Variants in BMP2K observed in about 807,000 individuals in gnomAD.
BMP2K encodes the protein BMP2 inducible kinase.
In BMP2K, 74 loss-of-function variants were observed where a neutral mutation model predicts 116.0. The ratio of observed to expected loss-of-function variants is 0.64; its 90% CI spans 0.53 to 0.77. The LOEUF is 0.77. Among genes scored for constraint, BMP2K ranks in the 30% least tolerant of loss-of-function variants. The pLI, the probability that BMP2K is intolerant of heterozygous loss-of-function variation, is 0.00. For synonymous variants in BMP2K, 486 were observed against 502.5 expected, an observed-to-expected ratio of 0.97 and a Z score of 0.44; for missense variants, 1,365 against 1,403.6, an observed-to-expected ratio of 0.97 and a Z score of 0.44.
chr4:78,854,217 T>G (rs1731393581), intron 7 of BMP2K, among the ~76,000 whole-genome samples: 1 of 150,246 alleles, frequency 6.7e-6, no homozygotes, highest in African/African-American at 2.4e-5. Context: ...GCTTTATGGT[T>G]TCTTTATCTT....
chr4:78,821,925 T>C (rs1729637262), intron 1 of BMP2K, among the ~76,000 whole-genome samples: 1 of 152,128 alleles, frequency 6.6e-6, no homozygotes, highest in Admixed American at 6.6e-5. Flanking sequence ...AATTAAAGCA[T>C]GGAAATGACA....
Position 78,799,318 on chromosome 4 carries a change from A to G in BMP2K, c.178+22597A>G, listed in dbSNP as rs138398677. Among the ~76,000 whole-genome samples the G allele has an allele frequency of 5.8e-4, 89 of 152,286 alleles. 3 individuals carry two copies. The East Asian group carries it at 0.016, about 27-fold the overall frequency. On this transcript the variant is annotated intron_variant, in intron 1 of 15. Transcript: ENST00000502613. ...AGACCCTTTCCCCAGAAAAATTTGC[A>G]TATAAAACCTACATATGGTTTCAGA...
chr4:78,830,075 C>T (rs1730137514), intron 2 of BMP2K, among the ~76,000 whole-genome samples: 1 of 152,008 alleles, frequency 6.6e-6, no homozygotes, highest in African/African-American at 2.4e-5. Flanking sequence ...CGGGGTTTCA[C>T]CATGTTGCCC....
intron 1 of BMP2K, among the ~76,000 whole-genome samples, chr4:78,782,735 T>A (rs1357529226): frequency 6.6e-6 from 1 of 152,236 alleles, no homozygotes; most frequent in Non-Finnish European, 1.5e-5. Context: ...GGCTGAGTTT[T>A]TAAAAAAGTA....
At chr4:78,861,012 A>G (rs1240117553) in intron 8 of BMP2K, among the ~76,000 whole-genome samples, 2 of 151,898 alleles carry the variant, frequency 1.3e-5, no homozygotes, top group Non-Finnish European at 2.9e-5. Flanking sequence ...TGTAGTATGT[A>G]GAAACAACAC....
At chr4:78,795,589 G>C (rs1251937114) in intron 1 of BMP2K, among the ~76,000 whole-genome samples, 1 of 152,118 alleles carries the variant, frequency 6.6e-6, no homozygotes, top group African/African-American at 2.4e-5. Flanking sequence ...ACTACCATCA[G>C]AGTGAACAGA....
chr4:78,832,383 T>C (rs927205203), intron 2 of BMP2K, among the ~76,000 whole-genome samples: 25 of 152,208 alleles, frequency 1.6e-4, no homozygotes, highest in African/African-American at 6.0e-4. Flanking sequence ...TTATTTTGTA[T>C]CAACGTCTTT....
chr4:78,855,686 G>A (rs776363965), intron 7 of BMP2K, among the ~76,000 whole-genome samples: 9 of 152,142 alleles, frequency 5.9e-5, no homozygotes, highest in African/African-American at 1.2e-4. Flanking sequence ...AGACCAGTGT[G>A]TACATCAATA....
rs544163552 is a variant in BMP2K, at chr4:78,911,280, A to G, written c.2733A>G (p.Glu911=). 1 of 1,614,022 alleles carries G rather than the reference A, an allele frequency of 6.2e-7. No homozygotes were observed. The highest frequency in any genetic ancestry group is 1.1e-5 in the South Asian group (1 of 91,084). Residue 911 remains glutamate, a synonymous_variant, in exon 16 of 16, where the codon GAA becomes GAG. Transcript: ENST00000502613. ...TTAGCAAGAAGGTGAATGTACAAGA[A>G]TGCCATGCAGTGGGGCCTGAGGCAC... ...APFSKKVNVQ[E]CHAVGPEAHT... is the part of the protein sequence containing the mutation.
At chr4:78,866,562 C>T (rs1035881709) in intron 10 of BMP2K, among the ~76,000 whole-genome samples, 3 of 152,066 alleles carry the variant, frequency 2.0e-5, no homozygotes, top group Non-Finnish European at 4.4e-5. Flanking sequence ...ACCTGATACA[C>T]GGTATGCCTT....
chr4:78,832,204 TG>T (rs1163548110), intron 2 of BMP2K, among the ~76,000 whole-genome samples: 1 of 152,152 alleles, frequency 6.6e-6, no homozygotes, highest in Non-Finnish European at 1.5e-5. Flanking sequence ...TCAGTTGTTT[TG>T]GTTATATATC....
At chr4:78,782,370 C>G (rs1727544439) in intron 1 of BMP2K, among the ~76,000 whole-genome samples, 2 of 152,234 alleles carry the variant, frequency 1.3e-5, no homozygotes, top group Admixed American at 1.3e-4. Flanking sequence ...TAGACAGACT[C>G]TGTTTTAATT....
rs191730201 is a variant in BMP2K, at chr4:78,868,300, C to T, written c.1232-2483C>T. ...GCAAAAGCAGAAACCCCTGATAAAC[C>T]CGTCAGATCTCATGAGACTTATTCA... is the stretch of plus-strand genomic sequence containing the variant. On this transcript the variant is annotated intron_variant, in intron 10 of 15. Coordinates refer to ENST00000502613, the MANE Select transcript of BMP2K (RefSeq NM_198892.2). Among the ~76,000 whole-genome samples the T allele has an allele frequency of 4.6e-5, 7 of 152,206 alleles. No homozygotes were observed. In the East Asian group the frequency reaches 1.4e-3, roughly 29 times the overall value.
At chr4:78,833,214 A>G (rs1311360577) in intron 2 of BMP2K, among the ~76,000 whole-genome samples, 2 of 152,052 alleles carry the variant, frequency 1.3e-5, no homozygotes, top group African/African-American at 4.8e-5. Flanking sequence ...ATGAGAATAT[A>G]ATTGTTAATA....
chr4:78,832,520 T>A (rs1438602218), intron 2 of BMP2K, among the ~76,000 whole-genome samples: 1 of 152,186 alleles, frequency 6.6e-6, no homozygotes, highest in Non-Finnish European at 1.5e-5. Flanking sequence ...CTTTGGCATT[T>A]ACTTTTGTAC....
At position 78,822,405 on chromosome 4, in the gene BMP2K, A is replaced by G. The variant is rs532815312; in HGVS notation, c.179-3632A>G. Among the ~76,000 whole-genome samples the G allele has an allele frequency of 1.4e-4, 22 of 152,246 alleles. No homozygotes were observed. In the South Asian group the frequency reaches 1.5e-3, roughly 10 times the overall value. On this transcript the variant is annotated intron_variant, in intron 1 of 15. Transcript: ENST00000502613. ...TTTAAAGAATATGCCTATGAATGAA[A>G]CTTCTATATTTAGTTATACAATTTA...
intron 1 of BMP2K, 69 bp from the exon 2 acceptor site, chr4:78,825,968 T>C: frequency 8.5e-7 from 1 of 1,175,614 alleles, no homozygotes; most frequent in Non-Finnish European, 1.3e-6. Context: ...ATATGCTCTA[T>C]GATTATATTA....
intron 1 of BMP2K, among the ~76,000 whole-genome samples, chr4:78,814,899 C>T (rs1024001961): frequency 1.6e-4 from 25 of 152,036 alleles, no homozygotes; most frequent in African/African-American, 5.6e-4. Context: ...ACTTTAATTT[C>T]ATAGTGGCTT....
chr4:78,840,199 A>C (rs1730691968), intron 3 of BMP2K, among the ~76,000 whole-genome samples: 1 of 152,160 alleles, frequency 6.6e-6, no homozygotes, highest in African/African-American at 2.4e-5. Flanking sequence ...GCAGAGTGTA[A>C]AAAGCTTTTG....
Sources: gnomAD v4.1 joint callset for allele counts (sites outside exome capture counted in the v4.1 genomes callset) on GRCh38, gnomAD v4.1.1 for gene constraint, MANE v1.5 for transcripts, NCBI Gene and HGNC (gene_info 2026-07-23, HGNC 2026-07-21) for gene names.